The following ZNF641 variants were observed in gnomAD, a reference collection of about 807,000 sequenced individuals.
ZNF641 encodes the protein zinc finger protein 641.
A neutral mutation model predicts 46.2 loss-of-function variants in ZNF641; 26 were observed. The observed-to-expected ratio is 0.56, with a 90% CI of 0.41 to 0.78. The LOEUF (loss-of-function observed/expected upper bound fraction) is 0.78, where lower values mean the gene tolerates loss of function less well. ZNF641 is among the 30% of genes least tolerant of loss of function. The probability of loss-of-function intolerance (pLI) is 0.00; values close to 1 mark genes in which losing one functional copy is unlikely to be tolerated. For missense variants in ZNF641, 469 were observed against 517.8 expected, an observed-to-expected ratio of 0.91 and a Z score of 0.91; for synonymous variants, 163 against 187.9, an observed-to-expected ratio of 0.87 and a Z score of 1.09.
rs1592141584 is a variant in ZNF641, at chr12:48,342,811, C to G, written c.*162G>C. On this transcript the variant is annotated 3_prime_UTR_variant, in exon 6 of 6. Transcript: ENST00000547026. ...TATTTTTATGTGCTATCTCACAGAA[C>G]TGGTGAGAAATGCTCTGGCCATTGC... is the stretch of plus-strand genomic sequence containing the variant. 1 of 1,429,252 alleles carries G rather than the reference C, an allele frequency of 7.0e-7. No individual in the cohort carries two copies. Among genetic ancestry groups the G allele is most frequent in the Non-Finnish European group, 9.1e-7 (1 of 1,096,924 alleles). The allele number at this position is 1,429,252 out of a possible 1,614,324, so 88.5% of individuals were successfully genotyped here.
At position 48,341,593 on chromosome 12, in the gene ZNF641, ACT is replaced by A; in HGVS notation, c.*1378_*1379del. The stretch of plus-strand genomic sequence containing the variant: ...TGGGAGAATGAGATCTTCAAGAATA[ACT>A]CTTGCCCCTTGATGAGGCAGTCAAA... On this transcript the variant is annotated 3_prime_UTR_variant, in exon 6 of 6. Coordinates refer to ENST00000547026, the MANE Select transcript of ZNF641 (RefSeq NM_001172681.2). 5 of 985,394 alleles carry A rather than the reference ACT, an allele frequency of 5.1e-6. No homozygotes were observed. Among genetic ancestry groups the A allele is most frequent in the Non-Finnish European group, 6.0e-6 (5 of 829,918 alleles). The allele number at this position is 985,394 out of a possible 1,614,324, so 61.0% of individuals were successfully genotyped here.
At chr12:48,344,203 C>T (rs538907656) in intron 5 of ZNF641, among the ~76,000 whole-genome samples, 4 of 152,254 alleles carry the variant, frequency 2.6e-5, no homozygotes, top group Admixed American at 6.5e-5. Context: ...TGACACCTGT[C>T]GGCAGTCCTC....
Position 48,343,407 on chromosome 12 carries a change from G to A in ZNF641, c.841C>T (p.Leu281Phe), listed in dbSNP as rs756535214. The change falls in exon 6 of 6, where the codon CTC (leucine) becomes TTC (phenylalanine). Residue 281 changes from leucine to phenylalanine, a missense_variant. This residue lies in a region of ZNF641 where 346 missense variants were observed against 354.0 expected (regional missense o/e 0.98). Coordinates refer to ENST00000547026, the MANE Select transcript of ZNF641 (RefSeq NM_001172681.2). ...CGCCCAAAGGTCTTCTCACACTTGA[G>A]GCAGCTGTAGGGTCTCTCCCCAGTG... ...THTGERPYSC[L>F]KCEKTFGRRH... The A allele has an allele frequency of 1.2e-6, 2 of 1,614,170 alleles. No individual in the cohort carries two copies. The highest frequency in any genetic ancestry group is 1.7e-6 in the Non-Finnish European group (2 of 1,180,042).
chr12:48,340,921 CT>C lies in ZNF641; in HGVS notation c.*2051del. Reference sequence around the variant, plus strand: ...CTAAAATGCTCCTGTTTCTGAGAAGCTAGGGCAAGACCTGCCTTACAAAGAC... The same window carrying C: ...CTAAAATGCTCCTGTTTCTGAGAAGCAGGGCAAGACCTGCCTTACAAAGAC... On this transcript the variant is annotated 3_prime_UTR_variant, in exon 6 of 6. Coordinates refer to ENST00000547026, the MANE Select transcript of ZNF641 (RefSeq NM_001172681.2). 11 of 985,392 alleles carry C rather than the reference CT, an allele frequency of 1.1e-5. No individual in the cohort carries two copies. The highest frequency in any genetic ancestry group is 1.3e-5 in the Non-Finnish European group (11 of 829,940). 61.0% of individuals were successfully genotyped at this position (985,392 alleles called of 1,614,324 possible). A position where few individuals can be genotyped will look rare whatever the true frequency, so the allele number is the denominator to read the frequency against.
In ZNF641 at chr12:48,337,480, T is replaced by C. The variant is rs901675537; in HGVS notation, c.*5493A>G. The stretch of plus-strand genomic sequence containing the variant: ...CACATTTGATCTCCCAGGCCTGAAA[T>C]TGCCAGTGCCTGGCACATAATAAGG... On this transcript the variant is annotated 3_prime_UTR_variant, in exon 6 of 6. Transcript: ENST00000547026. 1 of 151,980 alleles carries C rather than the reference T, an allele frequency of 6.6e-6. No homozygotes were observed. Among genetic ancestry groups the C allele is most frequent in the African/African-American group, 2.4e-5 (1 of 41,356 alleles). 9.4% of individuals were successfully genotyped at this position (151,980 alleles called of 1,614,324 possible).
intron 3 of ZNF641, 83 bp from the exon 4 acceptor site, chr12:48,345,557 G>C: frequency 6.4e-7 from 1 of 1,550,408 alleles, no homozygotes; most frequent in Non-Finnish European, 8.8e-7. Context: ...GTTAGTAGAG[G>C]AGAGAGGGTG....
rs566497450 is a variant in ZNF641 at position 48,342,482 on chromosome 12, G to A, written c.*491C>T. The A allele has an allele frequency of 1.3e-4, 124 of 954,032 alleles. No individual in the cohort carries two copies. In the African/African-American group the frequency reaches 2.2e-3, roughly 17 times the overall value. The allele number at this position is 954,032 out of a possible 1,614,324, so 59.1% of individuals were successfully genotyped here. A position where few individuals can be genotyped will look rare whatever the true frequency, so the allele number is the denominator to read the frequency against. On this transcript the variant is annotated 3_prime_UTR_variant, in exon 6 of 6. Coordinates refer to ENST00000547026, the MANE Select transcript of ZNF641 (RefSeq NM_001172681.2). Reference sequence around the variant, plus strand: ...GTGGGATGTAAATAGAAAGGATACTGAGGTCAAATACATTTAGGAAACACT... The same window carrying A: ...GTGGGATGTAAATAGAAAGGATACTAAGGTCAAATACATTTAGGAAACACT...
In ZNF641 at chr12:48,345,456, C is replaced by T; in HGVS notation, c.295G>A (p.Asp99Asn). 6.2e-7 allele frequency: 1 copy of T among 1,614,184 alleles called. No individual in the cohort carries two copies. The highest frequency in any genetic ancestry group is 8.5e-7 in the Non-Finnish European group (1 of 1,180,022). The change falls in exon 4 of 6, where the codon GAT (aspartate) becomes AAT (asparagine). Residue 99 changes from aspartate to asparagine, a missense_variant. By Grantham distance (23) the Asp-to-Asn change is conservative. This residue lies in a region of ZNF641 where 25 missense variants were observed against 58.1 expected (regional missense o/e 0.43). Transcript: ENST00000547026. ...AGSQGLVTIK[D>N]VSLCFSQEEW... ...TCCTGAGAGAAGCACAGTGACACATCCTTGATGGTTACCAGGCCCTGAAAC... is the reference window on the plus strand; with the variant it reads ...TCCTGAGAGAAGCACAGTGACACATTCTTGATGGTTACCAGGCCCTGAAAC...
downstream of ZNF641, among the ~76,000 whole-genome samples, chr12:48,335,150 T>A (rs1592135846): frequency 1.3e-5 from 2 of 152,174 alleles, no homozygotes; most frequent in East Asian, 3.8e-4. Context: ...ACAGAAGACT[T>A]CTTTTGCCAC....
chr12:48,340,492 C>T lies in ZNF641; in HGVS notation c.*2481G>A, dbSNP rs751315. The T allele has an allele frequency of 0.086, 84,464 of 984,476 alleles. 3,965 individuals are homozygous for T. Among genetic ancestry groups the T allele is most frequent in the Non-Finnish European group, 0.096 (79,325 of 829,762 alleles). The allele number at this position is 984,476 out of a possible 1,614,324, so 61.0% of individuals were successfully genotyped here. ...AGTAGAATGTAAGCAATACCCTTGT[C>T]GTAATTAAAGACCAGACTCCATCCT... On this transcript the variant is annotated 3_prime_UTR_variant, in exon 6 of 6. Transcript: ENST00000547026.
rs754747869 is a variant in ZNF641, at chr12:48,345,418, G to A, written c.333C>T (p.Ser111=). The change falls in exon 4 of 6, where the codon AGC becomes AGT. Residue 111 remains serine, a synonymous_variant. Transcript: ENST00000547026. ...SLCFSQEEWR[S]LDPSQTDFYG... is the part of the protein sequence containing the mutation. Reference sequence around the variant, plus strand: ...AAAAGTCTGTCTGAGAGGGGTCCAGGCTCCGCCACTCCTCCTGAGAGAAGC... The same window carrying A: ...AAAAGTCTGTCTGAGAGGGGTCCAGACTCCGCCACTCCTCCTGAGAGAAGC... 2 of 1,614,044 alleles carry A rather than the reference G, an allele frequency of 1.2e-6. No individual in the cohort carries two copies. The highest frequency in any genetic ancestry group is 2.7e-5 in the African/African-American group (2 of 74,912).
chr12:48,350,621 G>C (rs2136192266), intron 1 of ZNF641, 165 bp downstream of exon 1: 1 of 170,098 alleles, frequency 5.9e-6, no homozygotes, highest in East Asian at 1.9e-4. Flanking sequence ...GGCGAGAGGC[G>C]GGCACAGAAT....
At position 48,343,090 on chromosome 12, in the gene ZNF641, GA is replaced by G; in HGVS notation, c.1157del (p.Phe386SerfsTer76). The G allele has an allele frequency of 4.3e-6, 7 of 1,614,268 alleles. No individual in the cohort carries two copies. Among genetic ancestry groups the G allele is most frequent in the Non-Finnish European group, 5.9e-6 (7 of 1,180,046 alleles). ...HWLTHTGEKPFQCPRCEKSFG... is the reference protein window; with the variant it reads ...HWLTHTGEKPXQCPRCEKSFG... The stretch of plus-strand genomic sequence containing the variant: ...AGCTCTTCTCACAGCGAGGGCACTG[GA>G]AGGGCTTCTCCCCAGTGTGGGTCAG... On this transcript the variant is annotated frameshift_variant, in exon 6 of 6. Transcript: ENST00000547026. LOFTEE classifies it high-confidence loss of function.
intron 4 of ZNF641, 200 bp from the exon 5 acceptor site, chr12:48,344,912 C>A: frequency 1.8e-6 from 1 of 549,726 alleles, no homozygotes; most frequent in South Asian, 2.2e-5. Flanking sequence ...AAATCACTCT[C>A]CTTCCCAATG....
downstream of ZNF641, among the ~76,000 whole-genome samples, chr12:48,336,262 G>A (rs2136162334): frequency 6.6e-6 from 1 of 152,308 alleles, no homozygotes; most frequent in East Asian, 1.9e-4. Context: ...CAGATTTCTA[G>A]CTAGTGGGCA....
chr12:48,340,411 C>G lies in ZNF641; in HGVS notation c.*2562G>C. ...TATCACTTCCCACAAGTCCTTCAAA[C>G]AAGATTTGTGAGGAGCTGGATTTGT... On this transcript the variant is annotated 3_prime_UTR_variant, in exon 6 of 6. Transcript: ENST00000547026. 1 of 985,416 alleles carries G rather than the reference C, an allele frequency of 1.0e-6. No individual in the cohort carries two copies. The highest frequency in any genetic ancestry group is 1.1e-4 in the East Asian group (1 of 8,818). The allele number at this position is 985,416 out of a possible 1,614,324, so 61.0% of individuals were successfully genotyped here.
In ZNF641 at chr12:48,348,115, C is replaced by A; in HGVS notation, c.-25G>T. ...TTTCTGCTGCAGACCCAAATTGTGA[C>A]CTGGAACAAATTCATATCAGCAATG... On this transcript the variant is annotated splice_region_variant and 5_prime_UTR_variant, in exon 2 of 6. Coordinates refer to ENST00000547026, the MANE Select transcript of ZNF641 (RefSeq NM_001172681.2). 6.2e-7 allele frequency: 1 copy of A among 1,613,950 alleles called. No individual in the cohort carries two copies. The highest frequency in any genetic ancestry group is 8.5e-7 in the Non-Finnish European group (1 of 1,180,032).
intron 1 of ZNF641, chr12:48,350,456 G>C (rs1168584176): frequency 1.3e-5 from 3 of 231,264 alleles, no homozygotes; most frequent in African/African-American, 6.6e-5. Flanking sequence ...GAGCAAGGCA[G>C]AACTGGAGCA....
chr12:48,344,632 C>T lies in ZNF641; in HGVS notation c.487G>A (p.Glu163Lys), dbSNP rs1010399781. ...EQWVPDPQDL[E>K]ERDILRVTYT... Reference sequence around the variant, plus strand: ...GTGACCCTCAGAATGTCCCTCTCCTCTAAGTCCTGGGGGTCAGGGACCCAT... The same window carrying T: ...GTGACCCTCAGAATGTCCCTCTCCTTTAAGTCCTGGGGGTCAGGGACCCAT... Residue 163 changes from glutamate to lysine, a missense_variant, in exon 5 of 6, where the codon GAG becomes AAG. By Grantham distance (56) the Glu-to-Lys change is moderately conservative. Transcript: ENST00000547026. 1 of 1,613,554 alleles carries T rather than the reference C, an allele frequency of 6.2e-7. No homozygotes were observed. The highest frequency in any genetic ancestry group is 8.5e-7 in the Non-Finnish European group (1 of 1,179,678).
Sources: allele counts gnomAD v4.1 joint callset (sites outside exome capture counted in the v4.1 genomes callset), GRCh38; gene constraint gnomAD v4.1.1; regional missense constraint gnomAD v4.1.1; transcripts MANE v1.5; gene names NCBI Gene and HGNC (gene_info 2026-07-23, HGNC 2026-07-21).